CHMP4B: variants seen among roughly 807,000 people sequenced by gnomAD.
CHMP4B encodes the protein SNF7 homolog associated with Alix 1.
Under a neutral mutation model 25.1 loss-of-function variants are expected in CHMP4B, and 1 was observed. That is an observed-to-expected ratio of 0.04 (90% CI 0.01 to 0.19). The LOEUF is 0.19. CHMP4B is among the 10% of genes least tolerant of loss of function. The pLI is 1.00. For synonymous variants in CHMP4B, 101 were observed against 115.6 expected, an observed-to-expected ratio of 0.87 and a Z score of 0.81; for missense variants, 151 against 289.7, an observed-to-expected ratio of 0.52 and a Z score of 3.48.
intron 1 of CHMP4B, among the ~76,000 whole-genome samples, chr20:33,837,343 C>T (rs951673918): frequency 1.3e-5 from 2 of 151,824 alleles, no homozygotes; most frequent in African/African-American, 4.8e-5. Flanking sequence ...AGAGCAAGAC[C>T]CTGTCTTACA....
chr20:33,833,368 A>G (rs982118812), intron 1 of CHMP4B, among the ~76,000 whole-genome samples: 3 of 152,116 alleles, frequency 2.0e-5, no homozygotes, highest in Non-Finnish European at 4.4e-5. Flanking sequence ...TTGTACATTC[A>G]AACAGGTGAT....
intron 1 of CHMP4B, among the ~76,000 whole-genome samples, chr20:33,839,569 T>C (rs1166571143): frequency 6.6e-6 from 1 of 152,228 alleles, no homozygotes. Context: ...AGGTTTTTAC[T>C]GCATACCATC....
At chr20:33,849,704 G>T (rs1342040774) in intron 2 of CHMP4B, among the ~76,000 whole-genome samples, 1 of 152,166 alleles carries the variant, frequency 6.6e-6, no homozygotes, top group Non-Finnish European at 1.5e-5. Context: ...TTCCTTTTGG[G>T]TACTCAGCTG....
chr20:33,848,363 C>A, intron 1 of CHMP4B, 104 bp from the exon 2 acceptor site: 1 of 1,129,438 alleles, frequency 8.9e-7, no homozygotes, highest in Non-Finnish European at 1.3e-6. Context: ...ATAGTGGAAG[C>A]AACAACAGAG....
At chr20:33,844,169 T>C (rs1979618513) in intron 1 of CHMP4B, among the ~76,000 whole-genome samples, 1 of 152,224 alleles carries the variant, frequency 6.6e-6, no homozygotes, top group South Asian at 2.1e-4. Flanking sequence ...GGGAAGTCCC[T>C]GTTTTATGGG....
At chr20:33,815,156 C>G (rs1031702224) in intron 1 of CHMP4B, among the ~76,000 whole-genome samples, 10 of 152,148 alleles carry the variant, frequency 6.6e-5, no homozygotes, top group African/African-American at 2.4e-4. Context: ...TACTCTGTAC[C>G]TCAGATTCCT....
chr20:33,830,951 G>GTTTTT (rs1555792014), intron 1 of CHMP4B, among the ~76,000 whole-genome samples: 36 of 72,990 alleles, frequency 4.9e-4, no homozygotes, highest in African/African-American at 5.7e-4. Context: ...TTTTTTTTTA[G>GTTTTT]TTTTTTTGAG....
intron 1 of CHMP4B, among the ~76,000 whole-genome samples, chr20:33,823,534 G>A (rs1979003686): frequency 6.6e-6 from 1 of 151,928 alleles, no homozygotes; most frequent in Non-Finnish European, 1.5e-5. Context: ...ACCAAACTTG[G>A]CTAATATTTT....
chr20:33,821,992 ATT>A (rs1297405480), intron 1 of CHMP4B, among the ~76,000 whole-genome samples: 2 of 138,414 alleles, frequency 1.4e-5, no homozygotes, highest in Non-Finnish European at 3.2e-5. Flanking sequence ...AAATTTTTGT[ATT>A]TTTTTTTTTT....
chr20:33,821,765 T>A (rs910101047), intron 1 of CHMP4B, among the ~76,000 whole-genome samples: 3 of 151,888 alleles, frequency 2.0e-5, no homozygotes, highest in Admixed American at 6.6e-5. Context: ...TCTATTTTTT[T>A]AAAAAAGTTA....
At chr20:33,842,712 C>G (rs1422009754) in intron 1 of CHMP4B, among the ~76,000 whole-genome samples, 1 of 152,188 alleles carries the variant, frequency 6.6e-6, no homozygotes. Context: ...AGCAGCAGCC[C>G]TCTTCCCTCC....
intron 1 of CHMP4B, among the ~76,000 whole-genome samples, chr20:33,826,399 T>C (rs1979095695): frequency 1.3e-5 from 2 of 152,140 alleles, no homozygotes; most frequent in South Asian, 4.2e-4. Flanking sequence ...TAGTGGTGGC[T>C]CAGGTGGGGT....
chr20:33,828,311 A>G (rs998859541), intron 1 of CHMP4B, among the ~76,000 whole-genome samples: 3 of 152,204 alleles, frequency 2.0e-5, no homozygotes, highest in Non-Finnish European at 2.9e-5. Flanking sequence ...CATGACACCT[A>G]TCTCCTCATT....
At chr20:33,835,507 T>C (rs1456814102) in intron 1 of CHMP4B, among the ~76,000 whole-genome samples, 5 of 152,256 alleles carry the variant, frequency 3.3e-5, no homozygotes. Flanking sequence ...GCTCTGCTGA[T>C]GTTTAAAATT....
chr20:33,848,613 G>T lies in CHMP4B; in HGVS notation c.337G>T (p.Ala113Ser). 1 of 1,614,216 alleles carries T rather than the reference G, an allele frequency of 6.2e-7. No individual in the cohort carries two copies. The highest frequency in any genetic ancestry group is 8.5e-7 in the Non-Finnish European group (1 of 1,180,040). The part of the protein sequence containing the change: ...TEVLKNMGYA[A>S]KAMKAAHDNM... ...GGTGCTCAAGAACATGGGCTATGCCGCCAAGGCCATGAAGGCGGCCCATGA... is the reference window on the plus strand; with the variant it reads ...GGTGCTCAAGAACATGGGCTATGCCTCCAAGGCCATGAAGGCGGCCCATGA... Residue 113 changes from alanine to serine, a missense_variant, in exon 2 of 5, where the codon GCC becomes TCC. By Grantham distance (99) the Ala-to-Ser change is moderately conservative. This residue lies in a region of CHMP4B where 82 missense variants were observed against 208.3 expected (regional missense o/e 0.39). Coordinates refer to ENST00000217402, the MANE Select transcript of CHMP4B (RefSeq NM_176812.5).
intron 1 of CHMP4B, among the ~76,000 whole-genome samples, chr20:33,837,100 C>T (rs2122801861): frequency 6.6e-6 from 1 of 152,224 alleles, no homozygotes; most frequent in South Asian, 2.1e-4. Context: ...ATACGAGGCT[C>T]AGAACAGGTG....
At chr20:33,830,951 G>GTTTTTTT (rs1555792014) in intron 1 of CHMP4B, among the ~76,000 whole-genome samples, 114 of 72,854 alleles carry the variant, frequency 1.6e-3, no homozygotes, top group South Asian at 4.0e-3. Flanking sequence ...TTTTTTTTTA[G>GTTTTTTT]TTTTTTTGAG....
At chr20:33,848,218 G>T (rs1979741943) in intron 1 of CHMP4B, among the ~76,000 whole-genome samples, 1 of 152,158 alleles carries the variant, frequency 6.6e-6, no homozygotes, top group Non-Finnish European at 1.5e-5. Flanking sequence ...TTTGATTTGT[G>T]TGTGTGCGTG....
At chr20:33,840,342 A>T (rs964509965) in intron 1 of CHMP4B, among the ~76,000 whole-genome samples, 2 of 151,896 alleles carry the variant, frequency 1.3e-5, no homozygotes, top group Admixed American at 1.3e-4. Context: ...GGCGGGGGGG[A>T]AACAGGCAAG....
Sources: allele counts gnomAD v4.1 joint callset (sites outside exome capture counted in the v4.1 genomes callset), GRCh38; gene constraint gnomAD v4.1.1; regional missense constraint gnomAD v4.1.1; transcripts MANE v1.5; gene names NCBI Gene and HGNC (gene_info 2026-07-23, HGNC 2026-07-21).